DOK6: variants seen among roughly 807,000 people sequenced by gnomAD.
The protein encoded by DOK6 is downstream of tyrosine kinase 6.
Under a neutral mutation model 44.0 loss-of-function variants are expected in DOK6, and 22 were observed. The ratio of observed to expected loss-of-function variants is 0.50; its 90% CI spans 0.36 to 0.71. The LOEUF (loss-of-function observed/expected upper bound fraction) is 0.71, where lower values mean the gene tolerates loss of function less well. Among genes scored for constraint, DOK6 ranks in the 30% least tolerant of loss-of-function variants. The probability of loss-of-function intolerance (pLI) is 0.00; values close to 1 mark genes in which losing one functional copy is unlikely to be tolerated. For missense variants in DOK6, 340 were observed against 416.4 expected (o/e 0.82, Z 1.60); for synonymous variants, 166 against 145.5 (o/e 1.14, Z -1.01).
At position 69,547,420 on chromosome 18, in the gene DOK6, A is replaced by G. The variant is rs548088500; in HGVS notation, c.67-17067A>G. Among the ~76,000 whole-genome samples, 13 of 151,340 alleles carry G rather than the reference A, an allele frequency of 8.6e-5. No homozygotes were observed. In the South Asian group the frequency reaches 2.1e-3, roughly 24 times the overall value. ...TGCCGGGCACACACTTTTAAACAAC[A>G]GGATCTCAGGAGAATTCATTCACTA... On this transcript the variant is annotated intron_variant, in intron 1 of 7. Transcript: ENST00000382713.
intron 1 of DOK6, among the ~76,000 whole-genome samples, chr18:69,495,059 C>G (rs141570018): frequency 2.6e-3 from 395 of 152,338 alleles, no homozygotes; most frequent in African/African-American, 8.8e-3. Flanking sequence ...CTGGCTGACA[C>G]AGCAGGATGG....
intron 3 of DOK6, among the ~76,000 whole-genome samples, chr18:69,647,140 C>T (rs554571214): frequency 7.6e-6 from 1 of 131,786 alleles, no homozygotes; most frequent in African/African-American, 2.7e-5. Flanking sequence ...GTCTATCTAT[C>T]TACCCTATCC....
At chr18:69,457,519 C>T (rs1239873767) in intron 1 of DOK6, among the ~76,000 whole-genome samples, 3 of 151,974 alleles carry the variant, frequency 2.0e-5, no homozygotes, top group Non-Finnish European at 4.4e-5. Flanking sequence ...CAGTAGTATG[C>T]TGTTTTGGTT....
intron 4 of DOK6, among the ~76,000 whole-genome samples, chr18:69,688,139 T>C (rs2144693956): frequency 6.6e-6 from 1 of 152,270 alleles, no homozygotes; most frequent in South Asian, 2.1e-4. Flanking sequence ...TAGCAAAGGA[T>C]ACACCAAGCC....
At chr18:69,534,680 G>A (rs1260271205) in intron 1 of DOK6, among the ~76,000 whole-genome samples, 2 of 151,778 alleles carry the variant, frequency 1.3e-5, no homozygotes, top group Non-Finnish European at 2.9e-5. Context: ...CCACAAAGGA[G>A]TATGCCAGCA....
intron 3 of DOK6, among the ~76,000 whole-genome samples, chr18:69,645,215 G>A (rs1985040855): frequency 6.6e-6 from 1 of 152,116 alleles, no homozygotes; most frequent in Non-Finnish European, 1.5e-5. Flanking sequence ...ATACAGAACT[G>A]CCCCATCCCC....
Position 69,573,305 on chromosome 18 carries a change from G to A in DOK6, c.174+8711G>A, listed in dbSNP as rs147067380. Among the ~76,000 whole-genome samples, 83 of 151,932 alleles carry A rather than the reference G, an allele frequency of 5.5e-4. 1 individual carries two copies. Among genetic ancestry groups the A allele is most frequent in the African/African-American group, 1.9e-3 (78 of 41,506 alleles). On this transcript the variant is annotated intron_variant, in intron 2 of 7. Transcript: ENST00000382713. ...AGCATGAAGAGCCCAATGAGAACAG[G>A]AACAGTTAAGGGAATCATCTTGTGA...
intron 2 of DOK6, among the ~76,000 whole-genome samples, chr18:69,565,904 T>C (rs1421518957): frequency 1.3e-5 from 2 of 152,238 alleles, no homozygotes; most frequent in Non-Finnish European, 1.5e-5. Context: ...GTTTGTGTTA[T>C]AACTATGATT....
intron 1 of DOK6, among the ~76,000 whole-genome samples, chr18:69,459,185 TTTTGTG>T (rs1288827568): frequency 1.1e-4 from 5 of 43,524 alleles, no homozygotes; most frequent in Admixed American, 4.1e-4. Flanking sequence ...AAAAAAAATA[TTTTGTG>T]TGTGTGTGTG....
At chr18:69,710,379 A>G (rs999632105) in intron 5 of DOK6, among the ~76,000 whole-genome samples, 24 of 152,340 alleles carry the variant, frequency 1.6e-4, no homozygotes, top group African/African-American at 5.5e-4. Context: ...CTTCTCACAA[A>G]TGAAAGGAAT....
chr18:69,655,390 T>A (rs1367206557), intron 3 of DOK6, among the ~76,000 whole-genome samples: 1 of 152,030 alleles, frequency 6.6e-6, no homozygotes, highest in Non-Finnish European at 1.5e-5. Flanking sequence ...ATGGAAAGGA[T>A]TAAATAAAAT....
At chr18:69,581,770 T>A (rs1694288140) in intron 2 of DOK6, among the ~76,000 whole-genome samples, 1 of 152,194 alleles carries the variant, frequency 6.6e-6, no homozygotes, top group South Asian at 2.1e-4. Context: ...TTCTGGCAAA[T>A]GAGATATAAA....
At chr18:69,501,514 G>A (rs1292292955) in intron 1 of DOK6, among the ~76,000 whole-genome samples, 1 of 152,100 alleles carries the variant, frequency 6.6e-6, no homozygotes, top group South Asian at 2.1e-4. Context: ...GGAAGAGCAC[G>A]TACTGAGAGT....
intron 1 of DOK6, among the ~76,000 whole-genome samples, chr18:69,407,511 G>A (rs1315238950): frequency 6.6e-6 from 1 of 152,168 alleles, no homozygotes; most frequent in East Asian, 1.9e-4. Context: ...TGTCCACAGA[G>A]TCCACAAATT....
At chr18:69,802,099 C>T (rs9948228) in intron 7 of DOK6, among the ~76,000 whole-genome samples, 27,815 of 151,952 alleles carry the variant, frequency 0.18, 2,718 homozygotes, top group East Asian at 0.28. Context: ...CATCTGAACC[C>T]CACCCTCCCA....
At chr18:69,527,228 C>T (rs1175726552) in intron 1 of DOK6, among the ~76,000 whole-genome samples, 3 of 152,098 alleles carry the variant, frequency 2.0e-5, no homozygotes, top group Admixed American at 6.6e-5. Flanking sequence ...GAGTTTGTTT[C>T]ATTTATTTGT....
chr18:69,556,178 C>G (rs1982680734), intron 1 of DOK6, among the ~76,000 whole-genome samples: 1 of 152,166 alleles, frequency 6.6e-6, no homozygotes, highest in East Asian at 1.9e-4. Flanking sequence ...AAGATCCCTT[C>G]CTGACCTGGC....
chr18:69,443,770 T>C (rs775964782), intron 1 of DOK6, among the ~76,000 whole-genome samples: 1 of 152,126 alleles, frequency 6.6e-6, no homozygotes, highest in Non-Finnish European at 1.5e-5. Flanking sequence ...TTGCTGATAG[T>C]GGTATTTAGA....
chr18:69,619,293 A>T (rs1984385619), intron 3 of DOK6, among the ~76,000 whole-genome samples: 1 of 151,910 alleles, frequency 6.6e-6, no homozygotes, highest in Non-Finnish European at 1.5e-5. Context: ...GTAAGAACTG[A>T]TTGAAGAAAA....
Sources: gnomAD v4.1 joint callset for allele counts (sites outside exome capture counted in the v4.1 genomes callset) on GRCh38, gnomAD v4.1.1 for gene constraint, MANE v1.5 for transcripts, NCBI Gene and HGNC (gene_info 2026-07-23, HGNC 2026-07-21) for gene names.